Variants in MAD1L1 observed in about 807,000 individuals in gnomAD.
MAD1L1 encodes the protein mitotic arrest deficient 1 like 1.
MAD1L1 carries 95 observed loss-of-function variants against 96.9 expected under a neutral mutation model. The observed-to-expected ratio is 0.98, with a 90% CI of 0.83 to 1.16. MAD1L1 has a LOEUF of 1.16. MAD1L1 is among the 50% of genes most tolerant of loss of function. The pLI, the probability that MAD1L1 is intolerant of heterozygous loss-of-function variation, is 0.00. For synonymous variants in MAD1L1, 473 were observed against 396.6 expected (o/e 1.19, Z -2.29); for missense variants, 1,007 against 954.4 (o/e 1.06, Z -0.73).
intron 15 of MAD1L1, among the ~76,000 whole-genome samples, chr7:1,973,116 C>G (rs1490641154): frequency 6.6e-6 from 1 of 152,186 alleles, no homozygotes; most frequent in African/African-American, 2.4e-5. Context: ...GGCAAGAGTC[C>G]TCTGCTCTCG....
chr7:2,176,568 C>G (rs1004075491), intron 10 of MAD1L1, among the ~76,000 whole-genome samples: 6 of 151,798 alleles, frequency 4.0e-5, no homozygotes, highest in Non-Finnish European at 7.4e-5. Flanking sequence ...ACAAAAAAAG[C>G]CTAAGGAATC....
At chr7:2,151,328 G>T (rs1381562797) in intron 10 of MAD1L1, among the ~76,000 whole-genome samples, 1 of 152,220 alleles carries the variant, frequency 6.6e-6, no homozygotes, top group African/African-American at 2.4e-5. Context: ...GCGGCAGGTG[G>T]GGTGGTCACA....
At chr7:2,108,748 A>G (rs1787220249) in intron 11 of MAD1L1, among the ~76,000 whole-genome samples, 1 of 152,162 alleles carries the variant, frequency 6.6e-6, no homozygotes. Context: ...TCAGAATGGG[A>G]GAAACAAAGG....
At chr7:1,948,218 G>C (rs1779320703) in intron 16 of MAD1L1, among the ~76,000 whole-genome samples, 1 of 152,148 alleles carries the variant, frequency 6.6e-6, no homozygotes, top group Non-Finnish European at 1.5e-5. Context: ...GGCTTCACCA[G>C]AAGTGGAAAC....
At chr7:2,134,310 A>G (rs1178663359) in intron 11 of MAD1L1, among the ~76,000 whole-genome samples, 1 of 152,222 alleles carries the variant, frequency 6.6e-6, no homozygotes, top group Non-Finnish European at 1.5e-5. Flanking sequence ...GCTGGTACAC[A>G]GGAAAGCAGC....
At chr7:2,034,275 G>GGTGT (rs978040912) in intron 12 of MAD1L1, among the ~76,000 whole-genome samples, 12 of 149,928 alleles carry the variant, frequency 8.0e-5, no homozygotes, top group African/African-American at 2.7e-4. Flanking sequence ...GGAGTGCAAT[G>GGTGT]GTGTGATCTA....
chr7:1,899,568 G>A (rs1179561274), intron 17 of MAD1L1, among the ~76,000 whole-genome samples: 1 of 152,206 alleles, frequency 6.6e-6, no homozygotes, highest in Non-Finnish European at 1.5e-5. Flanking sequence ...GTCAACCATG[G>A]CCATATGGTT....
At chr7:1,941,743 T>G (rs769527469) in intron 16 of MAD1L1, among the ~76,000 whole-genome samples, 3 of 152,212 alleles carry the variant, frequency 2.0e-5, no homozygotes, top group Non-Finnish European at 4.4e-5. Context: ...GAGCATTCAC[T>G]GGGCACCTGC....
chr7:1,887,670 T>C (rs1311870565), intron 18 of MAD1L1, among the ~76,000 whole-genome samples: 2 of 136,774 alleles, frequency 1.5e-5, no homozygotes, highest in Admixed American at 7.7e-5. Flanking sequence ...CATGTGTGTG[T>C]GAGCATGAAT....
intron 17 of MAD1L1, among the ~76,000 whole-genome samples, chr7:1,899,613 C>A (rs565119316): frequency 6.6e-6 from 1 of 152,100 alleles, no homozygotes; most frequent in Non-Finnish European, 1.5e-5. Context: ...AGGCAGCGCC[C>A]GGGGGGAGGC....
At chr7:2,209,384 A>G (rs1212505802) in intron 10 of MAD1L1, among the ~76,000 whole-genome samples, 1 of 152,136 alleles carries the variant, frequency 6.6e-6, no homozygotes, top group African/African-American at 2.4e-5. Flanking sequence ...GGGCCCACAC[A>G]AAGGACGTCT....
chr7:2,211,147 G>T (rs1423978056), intron 10 of MAD1L1, among the ~76,000 whole-genome samples: 1 of 152,136 alleles, frequency 6.6e-6, no homozygotes, highest in African/African-American at 2.4e-5. Flanking sequence ...TAAGCTGGTG[G>T]TGGGCACAGG....
chr7:1,998,478 G>A (rs1480243435), intron 14 of MAD1L1, among the ~76,000 whole-genome samples: 4 of 152,232 alleles, frequency 2.6e-5, no homozygotes, highest in Non-Finnish European at 5.9e-5. Flanking sequence ...TGCACATGCA[G>A]AAGCATGGCC....
chr7:2,127,595 G>A, intron 11 of MAD1L1, among the ~76,000 whole-genome samples: 1 of 152,254 alleles, frequency 6.6e-6, no homozygotes, highest in East Asian at 1.9e-4. Context: ...ACGACCTGGG[G>A]TCTAGGGTGG....
At chr7:2,015,364 T>TC (rs1201763691) in intron 12 of MAD1L1, among the ~76,000 whole-genome samples, 2 of 152,162 alleles carry the variant, frequency 1.3e-5, no homozygotes, top group African/African-American at 2.4e-5. Context: ...CCAGCAGGGC[T>TC]CAGCTTCCTG....
chr7:2,124,961 C>T (rs1043630041), intron 11 of MAD1L1, among the ~76,000 whole-genome samples: 3 of 152,170 alleles, frequency 2.0e-5, no homozygotes, highest in East Asian at 3.9e-4. Flanking sequence ...CCAGTGAGCA[C>T]GGAGGACACA....
intron 13 of MAD1L1, among the ~76,000 whole-genome samples, chr7:2,008,176 G>T (rs776081762): frequency 2.7e-4 from 41 of 152,204 alleles, no homozygotes; most frequent in Non-Finnish European, 5.3e-4. Context: ...AGAGCTCGGG[G>T]AGAACCACAC....
intron 17 of MAD1L1, among the ~76,000 whole-genome samples, chr7:1,923,521 G>A (rs1054822562): frequency 1.7e-4 from 26 of 152,204 alleles, no homozygotes; most frequent in African/African-American, 5.5e-4. Context: ...CCCGGCACCC[G>A]GGCAATCCTG....
intron 12 of MAD1L1, among the ~76,000 whole-genome samples, chr7:2,047,644 T>A (rs1487283829): frequency 6.6e-6 from 1 of 152,200 alleles, no homozygotes; most frequent in Non-Finnish European, 1.5e-5. Context: ...AGAACCAGTG[T>A]TCCAGAATGG....
Sources: gnomAD v4.1 joint callset for allele counts (sites outside exome capture counted in the v4.1 genomes callset) on GRCh38, gnomAD v4.1.1 for gene constraint, MANE v1.5 for transcripts, NCBI Gene and HGNC (gene_info 2026-07-23, HGNC 2026-07-21) for gene names.